RBFOX2: variants seen among roughly 807,000 people sequenced by gnomAD.
RBFOX2 encodes the protein RNA binding protein fox-1 homolog 2.
In RBFOX2, 10 loss-of-function variants were observed where a neutral mutation model predicts 49.1. The observed-to-expected ratio is 0.20, with a 90% CI of 0.13 to 0.35. RBFOX2 has a LOEUF of 0.35. Ranked by LOEUF, RBFOX2 falls within the 10% of genes least tolerant of loss-of-function variation. RBFOX2 has a pLI of 1.00. For missense variants in RBFOX2, 323 were observed against 486.9 expected, an observed-to-expected ratio of 0.66 and a Z score of 3.17; for synonymous variants, 183 against 187.4, an observed-to-expected ratio of 0.98 and a Z score of 0.19.
At chr22:35,817,076 T>TA (rs1016184731) in intron 1 of RBFOX2, among the ~76,000 whole-genome samples, 12 of 152,060 alleles carry the variant, frequency 7.9e-5, no homozygotes, top group African/African-American at 2.9e-4. Flanking sequence ...AACACTGACT[T>TA]AGAGGCTTTG....
chr22:35,958,815 A>G (rs1358532901), intron 1 of RBFOX2, among the ~76,000 whole-genome samples: 1 of 152,232 alleles, frequency 6.6e-6, no homozygotes, highest in Non-Finnish European at 1.5e-5. Flanking sequence ...AAGAATTCAT[A>G]AAAGAGCTGC....
In RBFOX2 at chr22:35,785,319, T is replaced by A. The variant is rs1946160450; in HGVS notation, c.253-3573A>T. Among the ~76,000 whole-genome samples, 6 of 152,254 alleles carry A rather than the reference T, an allele frequency of 3.9e-5. No homozygotes were observed. The South Asian group carries it at 1.2e-3, about 32-fold the overall frequency. On this transcript the variant is annotated intron_variant, in intron 2 of 11. Transcript: ENST00000405409. ...ATTCTAGGCATGCAATTTTGAAGTA[T>A]TCATCTGGCAATCGAAGAGCCTTGT...
chr22:35,953,126 G>C (rs537926989), intron 1 of RBFOX2, among the ~76,000 whole-genome samples: 2 of 149,538 alleles, frequency 1.3e-5, no homozygotes, highest in East Asian at 3.9e-4. Context: ...CAGGAGAATG[G>C]CATGAACTTG....
intron 1 of RBFOX2, among the ~76,000 whole-genome samples, chr22:35,838,925 CACTGCAGGGCATTATATA>C: frequency 6.6e-6 from 1 of 152,312 alleles, no homozygotes; most frequent in East Asian, 1.9e-4. Flanking sequence ...TTCCAAACAG[CACTGCAGGGCATTATATA>C]ACTAAACAGG....
At chr22:35,808,864 G>A (rs1193754129) in intron 2 of RBFOX2, among the ~76,000 whole-genome samples, 3 of 151,958 alleles carry the variant, frequency 2.0e-5, no homozygotes, top group Admixed American at 6.6e-5. Flanking sequence ...TTTCCCATAT[G>A]TTGGTATGTA....
rs568702053 is a variant in RBFOX2, at chr22:35,975,996, A to G, written c.187-37099T>C. ...CCTCCACCTCCTGCTCCCACCCCCA[A>G]ATGTATTTTCCTACATGGGCTGAGC... is the stretch of plus-strand genomic sequence containing the variant. On this transcript the variant is annotated intron_variant, in intron 1 of 13. Transcript: ENST00000438146. Among the ~76,000 whole-genome samples the G allele has an allele frequency of 2.4e-4, 37 of 152,242 alleles. No homozygotes were observed. In the South Asian group the frequency reaches 7.5e-3, roughly 31 times the overall value.
intron 1 of RBFOX2, among the ~76,000 whole-genome samples, chr22:35,869,365 T>G (rs1284181177): frequency 6.7e-6 from 1 of 149,306 alleles, no homozygotes; most frequent in Admixed American, 6.8e-5. Context: ...ACTTGTCCAG[T>G]CCAGGCTGGT....
intron 1 of RBFOX2, among the ~76,000 whole-genome samples, chr22:36,027,509 C>G (rs970159552): frequency 1.3e-5 from 2 of 152,140 alleles, no homozygotes; most frequent in African/African-American, 4.8e-5. Flanking sequence ...TCTAATAGCC[C>G]TATAAAAAAA....
chr22:35,849,294 C>CAT (rs1569379725), intron 1 of RBFOX2, among the ~76,000 whole-genome samples: 2 of 116,554 alleles, frequency 1.7e-5, no homozygotes, highest in African/African-American at 1.1e-4. Context: ...CACATACACA[C>CAT]ACAAACACAC....
chr22:35,918,998 T>A (rs1019298964), intron 1 of RBFOX2, among the ~76,000 whole-genome samples: 2 of 151,882 alleles, frequency 1.3e-5, no homozygotes, highest in South Asian at 2.1e-4. Flanking sequence ...AAAAAAAAAA[T>A]ATTAAATAAG....
At chr22:35,993,813 C>T (rs2058074652) in intron 1 of RBFOX2, 1 of 151,950 alleles carries the variant, frequency 6.6e-6, no homozygotes, top group Admixed American at 6.6e-5. Context: ...ATGGTAAAAC[C>T]CCTTCTCTAC....
At chr22:35,765,337 G>A (rs1016683806) in intron 6 of RBFOX2, 86 bp downstream of exon 7, 19 of 962,236 alleles carry the variant, frequency 2.0e-5, no homozygotes, top group East Asian at 1.1e-4. Flanking sequence ...GTCTTAAGAC[G>A]GAAATAAAGA....
chr22:35,983,295 GCC>G (rs1017271106), intron 1 of RBFOX2, among the ~76,000 whole-genome samples: 8 of 152,014 alleles, frequency 5.3e-5, no homozygotes, highest in African/African-American at 1.9e-4. Flanking sequence ...GCTACTACCC[GCC>G]CCCTACCAGG....
At chr22:36,024,400 G>A (rs1384672810) in intron 1 of RBFOX2, among the ~76,000 whole-genome samples, 2 of 152,182 alleles carry the variant, frequency 1.3e-5, no homozygotes, top group African/African-American at 4.8e-5. Context: ...TCGGAATGGT[G>A]TGAACTAAGC....
intron 1 of RBFOX2, among the ~76,000 whole-genome samples, chr22:36,009,431 T>C (rs2058731416): frequency 6.6e-6 from 1 of 152,176 alleles, no homozygotes; most frequent in Non-Finnish European, 1.5e-5. Flanking sequence ...TGGAGTACAG[T>C]GGTGCAATCA....
At chr22:35,931,061 T>C (rs991369743) in intron 1 of RBFOX2, among the ~76,000 whole-genome samples, 5 of 152,012 alleles carry the variant, frequency 3.3e-5, no homozygotes, top group African/African-American at 7.3e-5. Flanking sequence ...ATTACATGGA[T>C]TGAGAAAAGT....
At chr22:35,912,890 A>G (rs1205050184) in intron 1 of RBFOX2, among the ~76,000 whole-genome samples, 5 of 152,242 alleles carry the variant, frequency 3.3e-5, no homozygotes, top group African/African-American at 1.2e-4. Context: ...AGTGACCTTG[A>G]GCAAGTACTT....
chr22:36,014,034 TTAATGTGTTTAATTC>T (rs2058936488), intron 1 of RBFOX2, among the ~76,000 whole-genome samples: 1 of 152,146 alleles, frequency 6.6e-6, no homozygotes, highest in Non-Finnish European at 1.5e-5. Flanking sequence ...GGTTTTTTTT[TTAATGTGTTTAATTC>T]TAATGTCCAA....
intron 1 of RBFOX2, among the ~76,000 whole-genome samples, chr22:35,905,169 T>C (rs2048987725): frequency 6.6e-6 from 1 of 151,816 alleles, no homozygotes; most frequent in Non-Finnish European, 1.5e-5. Context: ...CACCAAAAAT[T>C]TACAAAGCAA....
Sources: allele counts gnomAD v4.1 joint callset (sites outside exome capture counted in the v4.1 genomes callset), GRCh38; gene constraint gnomAD v4.1.1; transcripts MANE v1.5; gene names NCBI Gene and HGNC (gene_info 2026-07-23, HGNC 2026-07-21).